OSBP: variants seen among roughly 807,000 people sequenced by gnomAD.
OSBP encodes oxysterol-binding protein 1.
In OSBP, 32 loss-of-function variants were observed where a neutral mutation model predicts 96.6. The observed-to-expected ratio is 0.33, with a 90% CI of 0.25 to 0.45. The LOEUF is 0.45. Ranked by LOEUF, OSBP falls within the 20% of genes least tolerant of loss-of-function variation. OSBP has a pLI of 1.00. For missense variants in OSBP, 653 were observed against 1,029.7 expected, an observed-to-expected ratio of 0.63 and a Z score of 5.01; for synonymous variants, 369 against 389.6, an observed-to-expected ratio of 0.95 and a Z score of 0.62.
chr11:59,615,573 C>T lies in OSBP; in HGVS notation c.92G>A (p.Gly31Glu). ...CGCATCTCCGCGGCCGCCGCCTCCT[C>T]CCACCACTGGGGGACCGGCGCCGCC... ...GGGGAGPPVV[G>E]GGGGRGDAGP... The change falls in exon 1 of 14, where the codon GGA becomes GAA. Residue 31 changes from glycine to glutamate, a missense_variant. Gly to Glu is a moderately conservative substitution (Grantham distance 98). Around this residue, in one of 6 missense-constraint regions of OSBP, gnomAD observed 151 missense variants for 146.1 expected, o/e 1.03. Transcript: ENST00000263847. 7.3e-7 allele frequency: 1 copy of T among 1,373,462 alleles called. No homozygotes were observed. The highest frequency in any genetic ancestry group is 1.5e-5 in the African/African-American group (1 of 66,728). The allele number at this position is 1,373,462 out of a possible 1,614,324, so 85.1% of individuals were successfully genotyped here.
At chr11:59,595,316 AAAG>A (rs1276931499) in intron 7 of OSBP, among the ~76,000 whole-genome samples, 1 of 146,548 alleles carries the variant, frequency 6.8e-6, no homozygotes. Context: ...CCAGAGAACA[AAAG>A]AAGAAAGAAA....
At chr11:59,578,517 C>T (rs546545326) in intron 11 of OSBP, among the ~76,000 whole-genome samples, 187 bp from the exon 12 acceptor site, 4 of 152,248 alleles carry the variant, frequency 2.6e-5, no homozygotes, top group Non-Finnish European at 4.4e-5. Flanking sequence ...CTGATGCAAT[C>T]GTAGCTCACT....
At chr11:59,593,475 C>A in intron 9 of OSBP, 129 bp downstream of exon 9, 2 of 995,334 alleles carry the variant, frequency 2.0e-6, no homozygotes, top group South Asian at 1.5e-5. Context: ...CTGCCCAAAG[C>A]CAGTTAGTGA....
chr11:59,579,202 C>A lies in OSBP; in HGVS notation c.1879-872G>T, dbSNP rs1268468036. Among the ~76,000 whole-genome samples the A allele has an allele frequency of 2.0e-5, 3 of 152,186 alleles. No individual in the cohort carries two copies. The East Asian group carries it at 5.8e-4, about 29-fold the overall frequency. On this transcript the variant is annotated intron_variant, in intron 11 of 13. Coordinates refer to ENST00000263847, the MANE Select transcript of OSBP (RefSeq NM_002556.3). ...TCCCCAGCTATTCTTCAGTCTCCCA[C>A]AGAAACTCATGACACAAATCATTAT...
At chr11:59,577,792 C>T (rs1415395390) in intron 12 of OSBP, among the ~76,000 whole-genome samples, 1 of 152,206 alleles carries the variant, frequency 6.6e-6, no homozygotes, top group African/African-American at 2.4e-5. Flanking sequence ...CACCTGGCTG[C>T]TGATGGGCCT....
intron 7 of OSBP, among the ~76,000 whole-genome samples, chr11:59,595,996 TAA>T (rs1182423717): frequency 1.4e-5 from 2 of 141,570 alleles, no homozygotes; most frequent in African/African-American, 5.4e-5. Flanking sequence ...AATAAATAAA[TAA>T]AATTCATAAA....
In OSBP at chr11:59,578,218, C is replaced by A. The variant is rs1341497547; in HGVS notation, c.1991G>T (p.Gly664Val). The change falls in exon 12 of 14, where the codon GGT becomes GTT. Residue 664 changes from glycine (G) to valine (V), a missense_variant. Transcript: ENST00000263847. ...TTCATGGCCTCTCTGTCGAGCATCA[C>A]CCCCATTTTCCCCAATGACTGGCTG... Reference protein sequence around the residue: ...KVQPVIGENGGDARQRGHEAE... With the variant: ...KVQPVIGENGVDARQRGHEAE... 2 of 1,614,134 alleles carry A rather than the reference C, an allele frequency of 1.2e-6. No homozygotes were observed. The highest frequency in any genetic ancestry group is 1.7e-5 in the Admixed American group (1 of 60,022).
chr11:59,615,719 G>C lies in OSBP; in HGVS notation c.-55C>G. 1 of 1,249,736 alleles carries C rather than the reference G, an allele frequency of 8.0e-7. No individual in the cohort carries two copies. The highest frequency in any genetic ancestry group is 1.0e-6 in the Non-Finnish European group (1 of 997,076). 77.4% of individuals were successfully genotyped at this position (1,249,736 alleles called of 1,614,324 possible). On this transcript the variant is annotated 5_prime_UTR_variant, in exon 1 of 14. Coordinates refer to ENST00000263847, the MANE Select transcript of OSBP (RefSeq NM_002556.3). ...GGAACCGCCTACGAGAGCCGCCGTC[G>C]CCGCCCGGAGCGCCCCACACGGCTA...
At chr11:59,600,674 C>A (rs761807842) in intron 6 of OSBP, 47 bp from the exon 7 acceptor site, 1 of 1,598,554 alleles carries the variant, frequency 6.3e-7, no homozygotes, top group Non-Finnish European at 8.5e-7. Flanking sequence ...GAACAGAAAA[C>A]CTGGTATTTA....
chr11:59,614,737 G>A (rs558880618), intron 1 of OSBP, among the ~76,000 whole-genome samples: 1 of 152,306 alleles, frequency 6.6e-6, no homozygotes, highest in Admixed American at 6.5e-5. Context: ...GCAAAGTCTT[G>A]GAGAGATAAG....
intron 1 of OSBP, among the ~76,000 whole-genome samples, chr11:59,613,008 G>T (rs1378855497): frequency 6.6e-6 from 1 of 152,162 alleles, no homozygotes; most frequent in Non-Finnish European, 1.5e-5. Context: ...ACAGTATTTT[G>T]GAAACAGCAT....
At position 59,608,524 on chromosome 11, in the gene OSBP, C is replaced by T. The variant is rs1860810105; in HGVS notation, c.782G>A (p.Arg261Gln). Reference protein sequence around the residue: ...SNEKIKQVNERATLFRITSNA... With the variant: ...SNEKIKQVNEQATLFRITSNA... The stretch of plus-strand genomic sequence containing the variant: ...GGATGTTATCCTAAAGAGTGTGGCT[C>T]GTTCGTTGACCTGTTTGATCTTTTC... The change falls in exon 3 of 14, where the codon CGA (arginine) becomes CAA (glutamine). Residue 261 changes from arginine to glutamine, a missense_variant. By Grantham distance (43) the Arg-to-Gln change is conservative. Transcript: ENST00000263847. 2.5e-6 allele frequency: 4 copies of T among 1,614,060 alleles called. No individual in the cohort carries two copies. The highest frequency in any genetic ancestry group is 3.4e-6 in the Non-Finnish European group (4 of 1,179,982).
chr11:59,576,444 T>C lies in OSBP; in HGVS notation c.*133A>G, dbSNP rs1213972721. On this transcript the variant is annotated 3_prime_UTR_variant, in exon 14 of 14. Coordinates refer to ENST00000263847, the MANE Select transcript of OSBP (RefSeq NM_002556.3). The stretch of plus-strand genomic sequence containing the variant: ...ACTGGTGTCTCCTTCTGGTGATTGA[T>C]TTGGAAAAAATGATTGGTCAAGAGA... 9.6e-7 allele frequency: 1 copy of C among 1,039,548 alleles called. No homozygotes were observed. Among genetic ancestry groups the C allele is most frequent in the Non-Finnish European group, 1.4e-6 (1 of 715,102 alleles). 64.4% of individuals were successfully genotyped at this position (1,039,548 alleles called of 1,614,324 possible).
rs911456557 is a variant in OSBP, at chr11:59,579,576, G to A, written c.1878+598C>T. ...TCGAACTCCCGACCTCAGGTGATCC[G>A]CCCGCCTCCACCGTGTTTCCCATTG... On this transcript the variant is annotated intron_variant, in intron 11 of 13. Coordinates refer to ENST00000263847, the MANE Select transcript of OSBP (RefSeq NM_002556.3). Among the ~76,000 whole-genome samples, 9 of 150,398 alleles carry A rather than the reference G, an allele frequency of 6.0e-5. No homozygotes were observed. The East Asian group carries it at 1.6e-3, about 27-fold the overall frequency.
chr11:59,579,766 C>A (rs1860398879), intron 11 of OSBP, among the ~76,000 whole-genome samples: 1 of 151,696 alleles, frequency 6.6e-6, no homozygotes, highest in Admixed American at 6.6e-5. Flanking sequence ...GTTGCCCAGG[C>A]TGGGGTGCAA....
chr11:59,577,480 C>CT (rs1860373947), intron 12 of OSBP, among the ~76,000 whole-genome samples: 1 of 151,934 alleles, frequency 6.6e-6, no homozygotes, highest in African/African-American at 2.4e-5. Flanking sequence ...TTCTGCTGGG[C>CT]TTTTTTTTCT....
chr11:59,589,967 A>C (rs531454132), intron 9 of OSBP, among the ~76,000 whole-genome samples: 74 of 152,136 alleles, frequency 4.9e-4, no homozygotes, highest in African/African-American at 1.6e-3. Flanking sequence ...TGGGTGACAG[A>C]GCAAGACTCA....
At chr11:59,611,247 T>C (rs890943847) in intron 1 of OSBP, among the ~76,000 whole-genome samples, 5 of 152,202 alleles carry the variant, frequency 3.3e-5, no homozygotes, top group Admixed American at 1.3e-4. Flanking sequence ...TGAATGAGTT[T>C]TGACAAATGT....
At position 59,608,126 on chromosome 11, in the gene OSBP, A is replaced by C. The variant is rs200641097; in HGVS notation, c.822+358T>G. Among the ~76,000 whole-genome samples the C allele has an allele frequency of 3.9e-3, 594 of 151,070 alleles. 4 individuals are homozygous for C. The highest frequency in any genetic ancestry group is 0.014 in the East Asian group (67 of 4,686). ...AGATGAAATGAGACAAAAATAAATA[A>C]ATACATACATACATACATACATACA... is the stretch of plus-strand genomic sequence containing the variant. On this transcript the variant is annotated intron_variant, in intron 3 of 13. Coordinates refer to ENST00000263847, the MANE Select transcript of OSBP (RefSeq NM_002556.3).
Sources: allele counts gnomAD v4.1 joint callset (sites outside exome capture counted in the v4.1 genomes callset), GRCh38; gene constraint gnomAD v4.1.1; regional missense constraint gnomAD v4.1.1; transcripts MANE v1.5; gene names NCBI Gene and HGNC (gene_info 2026-07-23, HGNC 2026-07-21).